The following ATG13 variants were observed in gnomAD, a reference collection of about 807,000 sequenced individuals.
The protein encoded by ATG13 is autophagy related 13, also known as autophagy-related protein 13.
In ATG13, 23 loss-of-function variants were observed where a neutral mutation model predicts 65.5. That is an observed-to-expected ratio of 0.35 (90% CI 0.25 to 0.50). The LOEUF is 0.50. ATG13 is among the 20% of genes least tolerant of loss of function. ATG13 has a pLI of 0.98. For missense variants in ATG13, 566 were observed against 677.0 expected, an observed-to-expected ratio of 0.84 and a Z score of 1.82; for synonymous variants, 252 against 245.2, an observed-to-expected ratio of 1.03 and a Z score of -0.26.
rs1383925911 is a variant in ATG13 at position 46,656,906 on chromosome 11, TATACACACAC to T, written c.500-182_500-173del. ...TACATTGAGAGGGAAGAAACCTATA[TATACACACAC>T]ATACACGCACATACACACACACACA... On this transcript the variant is annotated intron_variant, in intron 8 of 18. Coordinates refer to ENST00000683050, the MANE Select transcript of ATG13 (RefSeq NM_001346311.2). 2.8e-5 allele frequency: 15 copies of T among 529,668 alleles called. No individual in the cohort carries two copies. The East Asian group carries it at 3.7e-4, about 13-fold the overall frequency. The allele number at this position is 529,668 out of a possible 1,614,324, so 32.8% of individuals were successfully genotyped here.
intron 15 of ATG13, 80 bp from the exon 16 acceptor site, chr11:46,668,419 T>C: frequency 6.9e-7 from 1 of 1,440,498 alleles, no homozygotes; most frequent in Non-Finnish European, 9.7e-7. Context: ...GCTGGACCTC[T>C]AGGCTTCTGG....
chr11:46,659,525 G>GTA (rs1192127426), intron 11 of ATG13, 40 bp downstream of exon 11: 3 of 1,493,842 alleles, frequency 2.0e-6, no homozygotes, highest in Non-Finnish European at 1.9e-6. Flanking sequence ...TAGTTATTTG[G>GTA]TATATATATG....
intron 11 of ATG13, among the ~76,000 whole-genome samples, chr11:46,660,384 T>TA (rs2060896242): frequency 1.3e-5 from 1 of 74,346 alleles, no homozygotes; most frequent in Middle Eastern, 6.2e-3. Flanking sequence ...CTGTTGTTGT[T>TA]GGTTTTTTTT....
chr11:46,654,757 C>T (rs1730872265), intron 7 of ATG13, among the ~76,000 whole-genome samples: 1 of 151,736 alleles, frequency 6.6e-6, no homozygotes, highest in East Asian at 1.9e-4. Context: ...TTGCAACCAG[C>T]CTGGGCAATA....
At chr11:46,622,471 T>C (rs1033919315) in intron 1 of ATG13, among the ~76,000 whole-genome samples, 2 of 152,080 alleles carry the variant, frequency 1.3e-5, no homozygotes, top group African/African-American at 2.4e-5. Flanking sequence ...GTGAAAAAAA[T>C]ATAAACAAGA....
Position 46,652,462 on chromosome 11 carries a change from C to A in ATG13, c.458+2145C>A, listed in dbSNP as rs1483257059. Among the ~76,000 whole-genome samples the A allele has an allele frequency of 4.6e-5, 7 of 152,220 alleles. No individual in the cohort carries two copies. The East Asian group carries it at 1.4e-3, about 29-fold the overall frequency. On this transcript the variant is annotated intron_variant, in intron 7 of 18. Coordinates refer to ENST00000683050, the MANE Select transcript of ATG13 (RefSeq NM_001346311.2). ...AGGTGTAGTGACTCACGCCTATAAT[C>A]CCAGCACTTTGGGAGGCCGAGGCAG...
At chr11:46,622,043 G>A (rs1383156131) in intron 1 of ATG13, among the ~76,000 whole-genome samples, 10 of 134,010 alleles carry the variant, frequency 7.5e-5, no homozygotes, top group Non-Finnish European at 1.3e-4. Flanking sequence ...CCACCCTGTT[G>A]ATGAAAGGCC....
Position 46,672,529 on chromosome 11 carries a change from G to A in ATG13, c.*197G>A. On this transcript the variant is annotated 3_prime_UTR_variant, in exon 19 of 19. Transcript: ENST00000683050. ...TGGCGGCAGTCAAGCCCAGTGCCCA[G>A]TTGGAGAAGACTCACGTGCTGGCCT... 6.8e-7 allele frequency: 1 copy of A among 1,461,568 alleles called. No homozygotes were observed. The highest frequency in any genetic ancestry group is 9.0e-7 in the Non-Finnish European group (1 of 1,107,340). The allele number at this position is 1,461,568 out of a possible 1,614,324, so 90.5% of individuals were successfully genotyped here.
At position 46,672,353 on chromosome 11, in the gene ATG13, A is replaced by G. The variant is rs777144823; in HGVS notation, c.*21A>G. On this transcript the variant is annotated 3_prime_UTR_variant, in exon 19 of 19. Transcript: ENST00000683050. ...AGTAAAAGTATCCTTGAGTCCCAGC[A>G]GCACCCCCTTTTTGTGGCCCCAGGG... 7 of 1,614,164 alleles carry G rather than the reference A, an allele frequency of 4.3e-6. No homozygotes were observed. The highest frequency in any genetic ancestry group is 2.2e-5 in the East Asian group (1 of 44,884).
intron 1 of ATG13, among the ~76,000 whole-genome samples, chr11:46,619,741 C>G (rs2046767178): frequency 6.6e-6 from 1 of 151,428 alleles, no homozygotes; most frequent in Admixed American, 6.6e-5. Flanking sequence ...TAAAAATCCT[C>G]TGAAGGGGCC....
At chr11:46,648,943 G>C in intron 5 of ATG13, 194 bp from the exon 6 acceptor site, 1 of 420,340 alleles carries the variant, frequency 2.4e-6, no homozygotes, top group Non-Finnish European at 4.1e-6. Context: ...TATTTATTAA[G>C]AAAAAACAAG....
chr11:46,642,495 G>A (rs777099891), intron 2 of ATG13, among the ~76,000 whole-genome samples: 4 of 151,528 alleles, frequency 2.6e-5, no homozygotes, highest in South Asian at 2.1e-4. Flanking sequence ...TAGTAGAGAC[G>A]GGTTTCACCA....
At chr11:46,669,015 G>A (rs775455640) in intron 17 of ATG13, 105 bp downstream of exon 17, 8 of 977,374 alleles carry the variant, frequency 8.2e-6, no homozygotes, top group Non-Finnish European at 1.2e-5. Flanking sequence ...CAGATGTGCT[G>A]GTGTAGACAG....
intron 18 of ATG13, 110 bp from the exon 19 acceptor site, chr11:46,672,145 G>A (rs551924540): frequency 6.4e-7 from 1 of 1,556,264 alleles, no homozygotes; most frequent in Non-Finnish European, 8.8e-7. Flanking sequence ...GCTCGGCCCA[G>A]CTAGGGCTGA....
At position 46,663,960 on chromosome 11, in the gene ATG13, T is replaced by TTTTTTTTTTTTC; in HGVS notation, c.790-34_790-33insTTTTTTTTCTTT. ...AGTCCCTTTTCTTTTTTTTTTTTTT[T>TTTTTTTTTTTTC]TTTGTTTCTCCTGTCTCTGTGTGTG... On this transcript the variant is annotated intron_variant, in intron 11 of 18. Coordinates refer to ENST00000683050, the MANE Select transcript of ATG13 (RefSeq NM_001346311.2). 4.0e-6 allele frequency: 5 copies of TTTTTTTTTTTTC among 1,243,408 alleles called. No homozygotes were observed. In the South Asian group the frequency reaches 4.5e-5, roughly 11 times the overall value. 77.0% of individuals were successfully genotyped at this position (1,243,408 alleles called of 1,614,324 possible).
At chr11:46,663,315 C>A (rs1442196914) in intron 11 of ATG13, among the ~76,000 whole-genome samples, 1 of 148,404 alleles carries the variant, frequency 6.7e-6, no homozygotes, top group African/African-American at 2.5e-5. Flanking sequence ...AAATAATCAT[C>A]ATGACCATAA....
intron 1 of ATG13, among the ~76,000 whole-genome samples, chr11:46,629,616 C>G (rs748918883): frequency 6.6e-6 from 1 of 151,784 alleles, no homozygotes; most frequent in Non-Finnish European, 1.5e-5. Flanking sequence ...AGGCTGGTCT[C>G]GAACTCCTGA....
intron 18 of ATG13, among the ~76,000 whole-genome samples, chr11:46,671,089 A>G (rs919629709): frequency 6.6e-6 from 1 of 152,168 alleles, no homozygotes; most frequent in South Asian, 2.1e-4. Flanking sequence ...GTGTGGCTCC[A>G]ATTCTCTCAA....
chr11:46,665,498 G>C lies in ATG13; in HGVS notation c.1115G>C (p.Cys372Ser), dbSNP rs776868069. 3 of 1,614,200 alleles carry C rather than the reference G, an allele frequency of 1.9e-6. No homozygotes were observed. The South Asian group carries it at 3.3e-5, about 18-fold the overall frequency. The part of the protein sequence containing the change: ...ATCTPSDRTH[C>S]AATPSSSEDT... Reference sequence around the variant, plus strand: ...TGCACCCCTTCTGACAGAACCCACTGTGCTGCCACACCCTCCAGTAGGTGA... The same window carrying C: ...TGCACCCCTTCTGACAGAACCCACTCTGCTGCCACACCCTCCAGTAGGTGA... The change falls in exon 14 of 19, where the codon TGT becomes TCT. Residue 372 changes from cysteine (C) to serine (S), a missense_variant. Physicochemically the swap from Cys to Ser is moderately radical, Grantham distance 112. Coordinates refer to ENST00000683050, the MANE Select transcript of ATG13 (RefSeq NM_001346311.2).
Sources: allele counts gnomAD v4.1 joint callset (sites outside exome capture counted in the v4.1 genomes callset), GRCh38; gene constraint gnomAD v4.1.1; transcripts MANE v1.5; gene names NCBI Gene and HGNC (gene_info 2026-07-23, HGNC 2026-07-21).